XIRP2: variants seen among roughly 807,000 people sequenced by gnomAD.
XIRP2 encodes xin actin-binding repeat-containing protein 2.
In XIRP2, 236 loss-of-function variants were observed where a neutral mutation model predicts 277.0. That is an observed-to-expected ratio of 0.85 (90% CI 0.77 to 0.95). The LOEUF (loss-of-function observed/expected upper bound fraction) is 0.95, where lower values mean the gene tolerates loss of function less well. Ranked by LOEUF, XIRP2 falls within the 40% of genes least tolerant of loss-of-function variation. XIRP2 has a pLI of 0.00. For missense variants in XIRP2, 4,640 were observed against 4,157.5 expected (o/e 1.12, Z -3.19); for synonymous variants, 1,490 against 1,416.5 (o/e 1.05, Z -1.17).
chr2:167,038,426 T>C (rs1688573945), intron 2 of XIRP2, among the ~76,000 whole-genome samples: 1 of 151,468 alleles, frequency 6.6e-6, no homozygotes, highest in African/African-American at 2.4e-5. Context: ...TATACATAAA[T>C]ATTGTAATAT....
intron 2 of XIRP2, among the ~76,000 whole-genome samples, chr2:167,102,218 G>C (rs987322428): frequency 2.0e-5 from 3 of 152,176 alleles, no homozygotes; most frequent in Non-Finnish European, 1.5e-5. Flanking sequence ...TGTAGAAACA[G>C]CATTGTTAGA....
At chr2:166,926,275 A>G (rs1685186007) in intron 2 of XIRP2, among the ~76,000 whole-genome samples, 1 of 151,938 alleles carries the variant, frequency 6.6e-6, no homozygotes, top group African/African-American at 2.4e-5. Context: ...TGTCCTACCT[A>G]CCCTCCTTCA....
chr2:167,211,001 TAGAA>T, intron 4 of XIRP2, 106 bp downstream of exon 4: 1 of 1,367,420 alleles, frequency 7.3e-7, no homozygotes, highest in Non-Finnish European at 9.9e-7. Context: ...GGGGCTAAAG[TAGAA>T]AGAGCACAAA....
chr2:167,091,244 G>A (rs1300542790), intron 2 of XIRP2, among the ~76,000 whole-genome samples: 1 of 151,764 alleles, frequency 6.6e-6, no homozygotes, highest in Non-Finnish European at 1.5e-5. Flanking sequence ...TGTCTTTATT[G>A]GTTTTGGGAA....
At chr2:167,138,655 A>G (rs1239218571) in intron 3 of XIRP2, among the ~76,000 whole-genome samples, 1 of 152,240 alleles carries the variant, frequency 6.6e-6, no homozygotes, top group Non-Finnish European at 1.5e-5. Context: ...TTAAATGTCA[A>G]GCATAGCAAA....
At chr2:166,968,500 A>G (rs564526222) in intron 2 of XIRP2, among the ~76,000 whole-genome samples, 1 of 152,114 alleles carries the variant, frequency 6.6e-6, no homozygotes, top group Admixed American at 6.6e-5. Flanking sequence ...GATGCTCTCC[A>G]TGTGACAGAT....
intron 2 of XIRP2, among the ~76,000 whole-genome samples, chr2:167,091,221 A>T (rs559970013): frequency 6.6e-6 from 1 of 152,086 alleles, no homozygotes; most frequent in East Asian, 1.9e-4. Flanking sequence ...GGATGTTTGT[A>T]CCTGTGACTT....
At chr2:167,215,492 C>A (rs1048272056) in intron 4 of XIRP2, among the ~76,000 whole-genome samples, 3 of 152,008 alleles carry the variant, frequency 2.0e-5, no homozygotes, top group Non-Finnish European at 4.4e-5. Flanking sequence ...TATGGGAAAC[C>A]CAAACCCCAA....
chr2:167,205,766 C>T (rs1693837042), intron 3 of XIRP2, among the ~76,000 whole-genome samples: 1 of 152,050 alleles, frequency 6.6e-6, no homozygotes, highest in Admixed American at 6.6e-5. Flanking sequence ...CATTAGATTA[C>T]TTGTTTTCAT....
At chr2:166,978,643 G>A (rs1429771290) in intron 2 of XIRP2, among the ~76,000 whole-genome samples, 5 of 152,064 alleles carry the variant, frequency 3.3e-5, no homozygotes, top group Non-Finnish European at 7.4e-5. Context: ...GAAAGAAATT[G>A]CTTCATCATG....
At chr2:167,096,190 G>T (rs987171141) in intron 2 of XIRP2, among the ~76,000 whole-genome samples, 3 of 151,792 alleles carry the variant, frequency 2.0e-5, no homozygotes, top group African/African-American at 7.3e-5. Flanking sequence ...GGCTTTTATT[G>T]GTTGCTAGGC....
At chr2:167,152,048 G>T (rs1692031383) in intron 3 of XIRP2, among the ~76,000 whole-genome samples, 1 of 152,008 alleles carries the variant, frequency 6.6e-6, no homozygotes, top group Non-Finnish European at 1.5e-5. Context: ...AGTTACATGT[G>T]ACTGGCAGTT....
intron 3 of XIRP2, among the ~76,000 whole-genome samples, chr2:167,174,307 A>G (rs541991247): frequency 3.8e-4 from 58 of 152,248 alleles, no homozygotes; most frequent in Non-Finnish European, 6.8e-4. Flanking sequence ...TTATTGGTCT[A>G]TTCAGGGATT....
At chr2:167,065,742 C>T (rs554153612) in intron 2 of XIRP2, among the ~76,000 whole-genome samples, 1 of 151,918 alleles carries the variant, frequency 6.6e-6, no homozygotes, top group South Asian at 2.1e-4. Flanking sequence ...GCCTAAAGAA[C>T]TTTCTGTAGC....
At chr2:166,944,657 A>T (rs563697963) in intron 2 of XIRP2, among the ~76,000 whole-genome samples, 1 of 152,344 alleles carries the variant, frequency 6.6e-6, no homozygotes, top group South Asian at 2.1e-4. Flanking sequence ...TAATAATATT[A>T]ACATTTAGGT....
chr2:167,250,988 G>A lies in XIRP2; in HGVS notation c.9596G>A (p.Cys3199Tyr). ...TAKLSKGAIP[C>Y]PAATPVPIVE... ...AAGTTATCCAAAGGGGCCATCCCAT[G>A]TCCAGCAGCAACCCCGGTTCCAATT... The change falls in exon 9 of 11, where the codon TGT (cysteine) becomes TAT (tyrosine). Residue 3199 changes from cysteine (C) to tyrosine (Y), a missense_variant. Transcript: ENST00000409195. 1.2e-6 allele frequency: 2 copies of A among 1,613,622 alleles called. No homozygotes were observed. Among genetic ancestry groups the A allele is most frequent in the Non-Finnish European group, 1.7e-6 (2 of 1,179,734 alleles).
chr2:167,149,595 T>C (rs1317445946), intron 3 of XIRP2, among the ~76,000 whole-genome samples: 1 of 152,106 alleles, frequency 6.6e-6, no homozygotes, highest in African/African-American at 2.4e-5. Flanking sequence ...TTCGATCTTG[T>C]CTTTCATTAT....
At chr2:167,016,985 A>G (rs1275200220) in intron 2 of XIRP2, among the ~76,000 whole-genome samples, 1 of 152,018 alleles carries the variant, frequency 6.6e-6, no homozygotes, top group Non-Finnish European at 1.5e-5. Context: ...TGGATCCTGC[A>G]GGGTAGCAGC....
At chr2:167,093,616 C>G (rs970091694) in intron 2 of XIRP2, among the ~76,000 whole-genome samples, 1 of 152,066 alleles carries the variant, frequency 6.6e-6, no homozygotes, top group African/African-American at 2.4e-5. Flanking sequence ...TGCTTTCCAC[C>G]TTGATCCATG....
Sources: gnomAD v4.1 joint callset for allele counts (sites outside exome capture counted in the v4.1 genomes callset) on GRCh38, gnomAD v4.1.1 for gene constraint, MANE v1.5 for transcripts, NCBI Gene and HGNC (gene_info 2026-07-23, HGNC 2026-07-21) for gene names.